Variants in KCNQ3 observed in about 807,000 individuals in gnomAD.
The protein encoded by KCNQ3 is potassium voltage-gated channel subfamily Q member 3.
KCNQ3 carries 30 observed loss-of-function variants against 92.5 expected under a neutral mutation model. That is an observed-to-expected ratio of 0.32 (90% CI 0.24 to 0.44). KCNQ3 has a LOEUF of 0.44. Ranked by LOEUF, KCNQ3 falls within the 20% of genes least tolerant of loss-of-function variation. KCNQ3 has a pLI of 1.00. For synonymous variants in KCNQ3, 450 were observed against 468.8 expected, an observed-to-expected ratio of 0.96 and a Z score of 0.52; for missense variants, 913 against 1,140.3, an observed-to-expected ratio of 0.80 and a Z score of 2.87.
chr8:132,377,658 C>T (rs929150525), intron 1 of KCNQ3, among the ~76,000 whole-genome samples: 3 of 152,174 alleles, frequency 2.0e-5, no homozygotes, highest in Admixed American at 2.0e-4. Flanking sequence ...TGACTCTCAT[C>T]CATGTCCAAG....
intron 1 of KCNQ3, among the ~76,000 whole-genome samples, chr8:132,271,116 A>AC (rs1816133930): frequency 6.6e-6 from 1 of 152,178 alleles, no homozygotes; most frequent in Non-Finnish European, 1.5e-5. Context: ...AACCTGGACA[A>AC]CCCCACTGCT....
At chr8:132,321,940 A>G (rs990435409) in intron 1 of KCNQ3, among the ~76,000 whole-genome samples, 1 of 152,100 alleles carries the variant, frequency 6.6e-6, no homozygotes, top group Admixed American at 6.5e-5. Context: ...CTACTGCCCA[A>G]TGGAGGAGGA....
At chr8:132,312,434 T>C (rs1817622245) in intron 1 of KCNQ3, among the ~76,000 whole-genome samples, 1 of 152,054 alleles carries the variant, frequency 6.6e-6, no homozygotes, top group Admixed American at 6.6e-5. Context: ...GGGATGCAGC[T>C]ACCACAGGCA....
At chr8:132,235,331 C>T (rs549434088) in intron 1 of KCNQ3, among the ~76,000 whole-genome samples, 114 of 152,154 alleles carry the variant, frequency 7.5e-4, no homozygotes, top group African/African-American at 2.6e-3. Flanking sequence ...GGTGAAACCC[C>T]GTCTCTACTA....
rs77647496 is a variant in KCNQ3, at chr8:132,422,963, A to T, written c.386+57184T>A. ...GGTCCTGAAGGAGGGCAGGAAGGAGATGGGGTTGGAGATGTAGGCAGAGGA... is the reference window on the plus strand; with the variant it reads ...GGTCCTGAAGGAGGGCAGGAAGGAGTTGGGGTTGGAGATGTAGGCAGAGGA... On this transcript the variant is annotated intron_variant, in intron 1 of 14. Transcript: ENST00000388996. 5.4e-3 allele frequency among the ~76,000 whole-genome samples: 816 copies of T among 152,150 alleles called. 7 individuals carry two copies. The highest frequency in any genetic ancestry group is 0.019 in the African/African-American group (787 of 41,512).
rs1818597357 is a variant in KCNQ3, at chr8:132,343,626, A to G, written c.386+136521T>C. Among the ~76,000 whole-genome samples the G allele has an allele frequency of 2.0e-5, 3 of 152,128 alleles. 1 individual carries two copies. The South Asian group carries it at 6.2e-4, about 32-fold the overall frequency. ...AGTTCAGCAAGGCAGAAGGAGGGCC[A>G]CCACCAAGGTGCTGCTGGTGGCTTC... is the stretch of plus-strand genomic sequence containing the variant. On this transcript the variant is annotated intron_variant, in intron 1 of 14. Coordinates refer to ENST00000388996, the MANE Select transcript of KCNQ3 (RefSeq NM_004519.4).
chr8:132,464,239 G>A (rs558508238), intron 1 of KCNQ3, among the ~76,000 whole-genome samples: 4 of 152,282 alleles, frequency 2.6e-5, no homozygotes, highest in Non-Finnish European at 5.9e-5. Flanking sequence ...ACATGTTCAC[G>A]TTACAGACGA....
At chr8:132,140,233 G>T (rs965511813) in intron 10 of KCNQ3, 55 bp from the exon 11 acceptor site, 1 of 1,305,942 alleles carries the variant, frequency 7.7e-7, no homozygotes, top group African/African-American at 1.5e-5. Flanking sequence ...AAAGGCTTGG[G>T]GACCCCACTG....
At chr8:132,430,645 G>A (rs1821224510) in intron 1 of KCNQ3, among the ~76,000 whole-genome samples, 1 of 152,228 alleles carries the variant, frequency 6.6e-6, no homozygotes, top group African/African-American at 2.4e-5. Flanking sequence ...TTCTGCAGCA[G>A]TGAGGAAACC....
intron 1 of KCNQ3, among the ~76,000 whole-genome samples, chr8:132,458,109 C>T (rs965803340): frequency 6.6e-6 from 1 of 152,210 alleles, no homozygotes; most frequent in South Asian, 2.1e-4. Flanking sequence ...TGGTCCAGGA[C>T]TTGCCACCTG....
intron 1 of KCNQ3, among the ~76,000 whole-genome samples, chr8:132,204,971 T>C (rs957018299): frequency 3.3e-5 from 5 of 152,178 alleles, no homozygotes; most frequent in Admixed American, 2.6e-4. Context: ...CAGAGCATCT[T>C]ACATGCACAG....
rs1824717875 is a variant in KCNQ3 at position 132,127,737 on chromosome 8, T to TAAC, written c.*1522_*1524dup. 6.6e-6 allele frequency: 1 copy of TAAC among 152,212 alleles called. No homozygotes were observed. Among genetic ancestry groups the TAAC allele is most frequent in the African/African-American group, 2.4e-5 (1 of 41,448 alleles). 9.4% of individuals were successfully genotyped at this position (152,212 alleles called of 1,614,324 possible). A position where few individuals can be genotyped will look rare whatever the true frequency, so the allele number is the denominator to read the frequency against. ...TCATTTAGCTAATTCAGTCTAAGCC[T>TAAC]AACAGAAACCTTTTCCATCAAAGTT... On this transcript the variant is annotated 3_prime_UTR_variant, in exon 15 of 15. Transcript: ENST00000388996.
At chr8:132,264,533 A>C (rs1815916207) in intron 1 of KCNQ3, among the ~76,000 whole-genome samples, 1 of 152,194 alleles carries the variant, frequency 6.6e-6, no homozygotes. Flanking sequence ...TCAGACAGAC[A>C]GTGGCCTCCA....
At chr8:132,257,943 T>G (rs1443610788) in intron 1 of KCNQ3, among the ~76,000 whole-genome samples, 1 of 152,040 alleles carries the variant, frequency 6.6e-6, no homozygotes, top group Non-Finnish European at 1.5e-5. Context: ...ATGGTAACAG[T>G]CAATCCATTA....
chr8:132,384,946 T>C (rs565493081), intron 1 of KCNQ3, among the ~76,000 whole-genome samples: 85 of 152,222 alleles, frequency 5.6e-4, no homozygotes, highest in Non-Finnish European at 9.8e-4. Context: ...CAGGTTGCAG[T>C]AGATGCTGTG....
intron 1 of KCNQ3, among the ~76,000 whole-genome samples, chr8:132,444,849 GAAT>G (rs962861133): frequency 6.6e-6 from 1 of 152,188 alleles, no homozygotes; most frequent in Non-Finnish European, 1.5e-5. Context: ...AAAATAAAGA[GAAT>G]AATAATTCCT....
chr8:132,423,752 C>T (rs78219788), intron 1 of KCNQ3, among the ~76,000 whole-genome samples: 3,215 of 152,222 alleles, frequency 0.021, 119 homozygotes, highest in African/African-American at 0.073. Context: ...ATCCCAGAGC[C>T]CCACGCTCCT....
At chr8:132,335,013 C>G (rs1818328501) in intron 1 of KCNQ3, among the ~76,000 whole-genome samples, 1 of 150,958 alleles carries the variant, frequency 6.6e-6, no homozygotes, top group Non-Finnish European at 1.5e-5. Context: ...TTCCTTCCTT[C>G]CTTCCTTCCT....
intron 1 of KCNQ3, among the ~76,000 whole-genome samples, chr8:132,340,506 C>G (rs1371868951): frequency 6.6e-6 from 1 of 152,120 alleles, no homozygotes; most frequent in Non-Finnish European, 1.5e-5. Context: ...CAAACTAACA[C>G]AAGAACAGAA....
Sources: gnomAD v4.1 joint callset for allele counts (sites outside exome capture counted in the v4.1 genomes callset) on GRCh38, gnomAD v4.1.1 for gene constraint, MANE v1.5 for transcripts, NCBI Gene and HGNC (gene_info 2026-07-23, HGNC 2026-07-21) for gene names.